The following TULP2 variants were observed in gnomAD, a reference collection of about 807,000 sequenced individuals.
The protein encoded by TULP2 is TUB like protein 2.
In TULP2, 64 loss-of-function variants were observed where a neutral mutation model predicts 60.3. The ratio of observed to expected loss-of-function variants is 1.06; its 90% CI spans 0.87 to 1.31. TULP2 has a LOEUF of 1.31. TULP2 is among the 50% of genes most tolerant of loss of function. The pLI, the probability that TULP2 is intolerant of heterozygous loss-of-function variation, is 0.00. For missense variants in TULP2, 652 were observed against 667.0 expected, an observed-to-expected ratio of 0.98 and a Z score of 0.25; for synonymous variants, 267 against 265.4, an observed-to-expected ratio of 1.01 and a Z score of -0.06.
At chr19:48,888,904 G>C (rs1427414106) in intron 7 of TULP2, among the ~76,000 whole-genome samples, 1 of 151,840 alleles carries the variant, frequency 6.6e-6, no homozygotes, top group Admixed American at 6.6e-5. Context: ...TTACAGGCGT[G>C]AGTCACCGTT....
intron 6 of TULP2, among the ~76,000 whole-genome samples, chr19:48,892,109 TTCTTA>T (rs1251083274): frequency 1.3e-5 from 2 of 152,206 alleles, no homozygotes; most frequent in African/African-American, 4.8e-5. Flanking sequence ...AGATGCCTCC[TTCTTA>T]TCTTAACCGC....
intron 9 of TULP2, among the ~76,000 whole-genome samples, chr19:48,884,436 C>A (rs2123268739): frequency 6.6e-6 from 1 of 151,534 alleles, no homozygotes; most frequent in Non-Finnish European, 1.5e-5. Context: ...AGAATGAAAC[C>A]CTGTCTCTAA....
chr19:48,892,332 G>A (rs1160608665), intron 6 of TULP2, among the ~76,000 whole-genome samples: 4 of 152,194 alleles, frequency 2.6e-5, no homozygotes, highest in African/African-American at 9.7e-5. Context: ...AGAGAATGGA[G>A]AATGGCAATG....
chr19:48,887,163 A>G (rs2037186942), intron 8 of TULP2, among the ~76,000 whole-genome samples: 1 of 148,342 alleles, frequency 6.7e-6, no homozygotes, highest in African/African-American at 2.5e-5. Context: ...AGGCGCCCAC[A>G]ACCACGCCTG....
At chr19:48,887,361 G>A (rs1273837012) in intron 8 of TULP2, among the ~76,000 whole-genome samples, 1 of 78,130 alleles carries the variant, frequency 1.3e-5, no homozygotes, top group East Asian at 5.0e-4. Flanking sequence ...GTCTAACTCT[G>A]TCGCCCAGGC....
chr19:48,881,873 A>G (rs1002121721), intron 12 of TULP2, 159 bp downstream of exon 12: 2 of 936,934 alleles, frequency 2.1e-6, no homozygotes, highest in Non-Finnish European at 3.2e-6. Context: ...AGAAACCCTG[A>G]GGGTGTGTAA....
At chr19:48,895,619 C>T (rs1008606377) in intron 4 of TULP2, 116 bp from the exon 5 acceptor site, 4 of 1,355,262 alleles carry the variant, frequency 3.0e-6, no homozygotes, top group South Asian at 2.7e-5. Context: ...GTGGCTCACG[C>T]CTGTAATCCC....
At position 48,897,543 on chromosome 19, in the gene TULP2, ACCAGTTATAGGGC is replaced by A; in HGVS notation, c.33-160_33-148del. ...GAGGTGCAGAACCTGAGCCTGCTCC[ACCAGTTATAGGGC>A]CCTTTCTCCTGGCACTGGCCCACAG... On this transcript the variant is annotated intron_variant, in intron 2 of 12. Coordinates refer to ENST00000221399, the MANE Select transcript of TULP2 (RefSeq NM_003323.3). The surrounding 1 kb of genome is among the most constrained non-coding windows in gnomAD (Gnocchi z 4.0). 1.2e-6 allele frequency: 1 copy of A among 807,242 alleles called. No individual in the cohort carries two copies. The highest frequency in any genetic ancestry group is 2.0e-6 in the Non-Finnish European group (1 of 493,056). 50.0% of individuals were successfully genotyped at this position (807,242 alleles called of 1,614,324 possible).
chr19:48,897,090 G>A lies in TULP2; in HGVS notation c.84+255C>T, dbSNP rs1162294091. 6.6e-6 allele frequency among the ~76,000 whole-genome samples: 1 copy of A among 151,946 alleles called. No homozygotes were observed. Among genetic ancestry groups the A allele is most frequent in the Non-Finnish European group, 1.5e-5 (1 of 67,984 alleles). On this transcript the variant is annotated intron_variant, in intron 3 of 12. Transcript: ENST00000221399. The surrounding 1 kb of genome is among the most constrained non-coding windows in gnomAD (Gnocchi z 4.0). ...GTGTTAGTAGAGACGGGGTTTCGCC[G>A]TGTTGGCCAGGCTTGTCTTGAACTC... is the stretch of plus-strand genomic sequence containing the variant.
chr19:48,897,929 C>A lies in TULP2; in HGVS notation c.-1-60G>T, dbSNP rs1481874795. On this transcript the variant is annotated intron_variant, in intron 1 of 12. Coordinates refer to ENST00000221399, the MANE Select transcript of TULP2 (RefSeq NM_003323.3). The surrounding 1 kb of genome is among the most constrained non-coding windows in gnomAD (Gnocchi z 4.0). Reference sequence around the variant, plus strand: ...CCAACATCCCAATGGATCCTGCCCACCAGCACCTAATCTTTAGCCTTATTT... The same window carrying A: ...CCAACATCCCAATGGATCCTGCCCAACAGCACCTAATCTTTAGCCTTATTT... 2.1e-6 allele frequency: 3 copies of A among 1,404,800 alleles called. No individual in the cohort carries two copies. The African/African-American group carries it at 4.3e-5, about 20-fold the overall frequency. 87.0% of individuals were successfully genotyped at this position (1,404,800 alleles called of 1,614,324 possible).
At chr19:48,886,178 C>T (rs34908240) in intron 8 of TULP2, among the ~76,000 whole-genome samples, 6,112 of 151,828 alleles carry the variant, frequency 0.04, 190 homozygotes, top group Non-Finnish European at 0.061. Flanking sequence ...TGGTGGCGGG[C>T]GCCTGTAGTC....
chr19:48,889,707 T>C, intron 6 of TULP2, 76 bp from the exon 7 acceptor site: 1 of 1,328,800 alleles, frequency 7.5e-7, no homozygotes, highest in East Asian at 2.5e-5. Flanking sequence ...GGAGACTCCA[T>C]TTTGTTCTGT....
intron 4 of TULP2, among the ~76,000 whole-genome samples, chr19:48,896,228 G>C (rs986021548): frequency 2.0e-5 from 3 of 151,910 alleles, no homozygotes; most frequent in Non-Finnish European, 2.9e-5. Flanking sequence ...CTCCCTCACA[G>C]GTCCTGCCGC....
At chr19:48,891,537 G>A (rs1046742431) in intron 6 of TULP2, among the ~76,000 whole-genome samples, 6 of 121,998 alleles carry the variant, frequency 4.9e-5, no homozygotes, top group Admixed American at 3.0e-4. Context: ...GGCTGAGGCA[G>A]GAGAATCGCT....
chr19:48,882,354 G>T (rs896370606), intron 11 of TULP2, 151 bp from the exon 12 acceptor site: 7 of 782,246 alleles, frequency 8.9e-6, no homozygotes, highest in Non-Finnish European at 1.0e-5. Context: ...GTTCCCAGGA[G>T]GTTAGGCATT....
rs58640342 is a variant in TULP2, at chr19:48,887,311, CTTTTTTTTTTTTTT to C, written c.948+625_948+638del. ...CAAGTGTGAGCCACCGCGCCCAGCC[CTTTTTTTTTTTTTT>C]TTTTTTTTTTTTTTTTTTATGCAGA... On this transcript the variant is annotated intron_variant, in intron 8 of 12. Transcript: ENST00000221399. Among the ~76,000 whole-genome samples the C allele has an allele frequency of 8.4e-4, 33 of 39,376 alleles. 1 individual carries two copies. Among genetic ancestry groups the C allele is most frequent in the East Asian group, 1.8e-3 (2 of 1,140 alleles). The allele number at this position is 39,376 out of a possible 152,430, so 25.8% of individuals were successfully genotyped here.
intron 11 of TULP2, 133 bp downstream of exon 11, chr19:48,883,621 T>C: frequency 2.3e-6 from 2 of 876,222 alleles, no homozygotes; most frequent in South Asian, 3.3e-5. Context: ...AACAAAGTCC[T>C]TCAGGCTTCA....
At chr19:48,884,094 T>C in intron 9 of TULP2, 48 bp from the exon 10 acceptor site, 1 of 1,459,182 alleles carries the variant, frequency 6.9e-7, no homozygotes, top group Non-Finnish European at 9.6e-7. Context: ...AGTGTTACTC[T>C]TTGAGTAAGT....
rs1241204480 is a variant in TULP2, at chr19:48,897,368, T to C, written c.61A>G (p.Arg21Gly). The change falls in exon 3 of 13, where the codon AGG (arginine) becomes GGG (glycine). Residue 21 changes from arginine (R) to glycine (G), a missense_variant. Arg to Gly is a moderately radical substitution (Grantham distance 125). Transcript: ENST00000221399. The surrounding 1 kb of genome is among the most constrained non-coding windows in gnomAD (Gnocchi z 4.0). ...ACCTGCTGTTCCAGCTTCTGCAGCC[T>C]CATAGCAGCGAGCTCATGCCCCAGG... Reference protein sequence around the residue: ...DILGHELAAMRLQKLEQQRRL... With the variant: ...DILGHELAAMGLQKLEQQRRL... 6.2e-7 allele frequency: 1 copy of C among 1,613,824 alleles called. No individual in the cohort carries two copies. The highest frequency in any genetic ancestry group is 8.5e-7 in the Non-Finnish European group (1 of 1,179,890).
Sources: gnomAD v4.1 joint callset for allele counts (sites outside exome capture counted in the v4.1 genomes callset) on GRCh38, gnomAD v4.1.1 for gene constraint, Gnocchi (gnomAD v3.1) non-coding constraint, MANE v1.5 for transcripts, NCBI Gene and HGNC (gene_info 2026-07-23, HGNC 2026-07-21) for gene names.